The following CPS1 variants were observed in gnomAD, a reference collection of about 807,000 sequenced individuals.
CPS1 encodes carbamoyl-phosphate synthase [ammonia], mitochondrial.
Under a neutral mutation model 174.6 loss-of-function variants are expected in CPS1, and 109 were observed. That is an observed-to-expected ratio of 0.62 (90% CI 0.53 to 0.73). The LOEUF is 0.73. CPS1 is among the 30% of genes least tolerant of loss of function. The pLI, the probability that CPS1 is intolerant of heterozygous loss-of-function variation, is 0.00. For synonymous variants in CPS1, 637 were observed against 632.0 expected, an observed-to-expected ratio of 1.01 and a Z score of -0.12; for missense variants, 1,689 against 1,821.9, an observed-to-expected ratio of 0.93 and a Z score of 1.33.
intron 1 of CPS1, among the ~76,000 whole-genome samples, chr2:210,541,269 C>T (rs1040429020): frequency 6.6e-6 from 1 of 152,134 alleles, no homozygotes; most frequent in Non-Finnish European, 1.5e-5. Context: ...TTAAAAGTCT[C>T]TCATTTTGAA....
chr2:210,609,880 T>C (rs1035234124), intron 19 of CPS1, among the ~76,000 whole-genome samples: 12 of 151,908 alleles, frequency 7.9e-5, no homozygotes, highest in Non-Finnish European at 1.6e-4. Flanking sequence ...GAAAAAGAAA[T>C]GCTTTACTGG....
intron 32 of CPS1, among the ~76,000 whole-genome samples, chr2:210,661,311 A>G (rs1700913047): frequency 6.6e-6 from 1 of 152,176 alleles, no homozygotes; most frequent in Non-Finnish European, 1.5e-5. Flanking sequence ...CAGAATTATG[A>G]CCTTTAACTA....
Position 210,675,850 on chromosome 2 carries a change from A to G in CPS1, c.4274+10A>G, listed in dbSNP as rs1701512309. On this transcript the variant is annotated intron_variant, in intron 36 of 37. Coordinates refer to ENST00000233072, the MANE Select transcript of CPS1 (RefSeq NM_001875.5). The stretch of plus-strand genomic sequence containing the variant: ...TCTCTTCCATCAGAAAGTAAGAACT[A>G]GGCATACTGTTTTCTGAAATAATTT... 3.4e-6 allele frequency: 4 copies of G among 1,176,006 alleles called. No individual in the cohort carries two copies. The highest frequency in any genetic ancestry group is 5.1e-6 in the Non-Finnish European group (4 of 780,042). The allele number at this position is 1,176,006 out of a possible 1,614,324, so 72.8% of individuals were successfully genotyped here.
intron 34 of CPS1, 49 bp from the exon 35 acceptor site, chr2:210,674,853 T>C (rs770114318): frequency 7.9e-6 from 11 of 1,387,086 alleles, no homozygotes; most frequent in Non-Finnish European, 1.0e-5. Flanking sequence ...ATTGCATAAA[T>C]GAAGAGCATG....
At chr2:210,615,233 A>C (rs73073600) in intron 20 of CPS1, among the ~76,000 whole-genome samples, 2,466 of 151,986 alleles carry the variant, frequency 0.016, 68 homozygotes, top group African/African-American at 0.057. Context: ...GCCTTTAATC[A>C]CTTAGAAAGT....
In CPS1 at chr2:210,612,158, A is replaced by C; in HGVS notation, c.2433A>C (p.Lys811Asn). Residue 811 changes from lysine (K) to asparagine (N), a missense_variant, in exon 20 of 38, where the codon AAA becomes AAC. Physicochemically the swap from Lys to Asn is moderately conservative, Grantham distance 94. Transcript: ENST00000233072. ...IGRTFEESFQ[K>N]ALRMCHPSIE... ...GTACCTTTGAGGAGAGTTTCCAGAA[A>C]GCTTTACGGATGTGCCACCCATCTA... 1 of 1,612,256 alleles carries C rather than the reference A, an allele frequency of 6.2e-7. No homozygotes were observed. Among genetic ancestry groups the C allele is most frequent in the East Asian group, 2.2e-5 (1 of 44,794 alleles).
intron 6 of CPS1, among the ~76,000 whole-genome samples, chr2:210,582,955 C>T (rs1697976520): frequency 6.6e-6 from 1 of 152,042 alleles, no homozygotes; most frequent in Admixed American, 6.6e-5. Context: ...TTTAGTGTTC[C>T]TTCCACCTTT....
chr2:210,571,543 G>C (rs1697486345), intron 1 of CPS1, among the ~76,000 whole-genome samples: 1 of 151,822 alleles, frequency 6.6e-6, no homozygotes. Context: ...CACTAACATA[G>C]TTTTGTGTGT....
At chr2:210,491,571 C>T (rs2105951870) in intron 1 of CPS1, among the ~76,000 whole-genome samples, 1 of 152,064 alleles carries the variant, frequency 6.6e-6, no homozygotes, top group South Asian at 2.1e-4. Context: ...CCTTGGACTC[C>T]CAAAGTGCTG....
At chr2:210,569,865 G>T (rs1028731288) in intron 1 of CPS1, among the ~76,000 whole-genome samples, 2 of 151,866 alleles carry the variant, frequency 1.3e-5, no homozygotes, top group Admixed American at 1.3e-4. Context: ...TTCAAAGTAA[G>T]ACGTGCTCTG....
chr2:210,538,430 T>C (rs1453902665), intron 1 of CPS1, among the ~76,000 whole-genome samples: 1 of 152,082 alleles, frequency 6.6e-6, no homozygotes, highest in Non-Finnish European at 1.5e-5. Context: ...CTGAATTTTG[T>C]ATTAGCTAAA....
intron 34 of CPS1, among the ~76,000 whole-genome samples, chr2:210,669,647 T>TA (rs1701229567): frequency 6.6e-6 from 1 of 152,148 alleles, no homozygotes; most frequent in African/African-American, 2.4e-5. Flanking sequence ...GGTGAATAGT[T>TA]AGAGCAGAGG....
intron 1 of CPS1, among the ~76,000 whole-genome samples, chr2:210,488,497 A>G (rs1377254686): frequency 2.0e-5 from 3 of 152,208 alleles, no homozygotes; most frequent in Non-Finnish European, 4.4e-5. Flanking sequence ...CAGGTTTGAC[A>G]GATTGTAGTT....
intron 34 of CPS1, among the ~76,000 whole-genome samples, chr2:210,668,649 G>A (rs948605605): frequency 1.3e-5 from 2 of 152,062 alleles, no homozygotes; most frequent in African/African-American, 4.8e-5. Context: ...ATATGAGGTT[G>A]GATCTCACTT....
intron 21 of CPS1, among the ~76,000 whole-genome samples, chr2:210,629,628 A>T (rs968470046): frequency 6.6e-6 from 1 of 151,732 alleles, no homozygotes. Flanking sequence ...ACACTTTCTT[A>T]TATACGAATT....
chr2:210,482,760 G>A (rs946107190), intron 1 of CPS1, among the ~76,000 whole-genome samples: 16 of 151,968 alleles, frequency 1.1e-4, no homozygotes, highest in African/African-American at 3.6e-4. Context: ...TTGAGTTATC[G>A]TGCCCATCAA....
intron 1 of CPS1, among the ~76,000 whole-genome samples, chr2:210,544,677 A>G (rs1353792758): frequency 2.0e-5 from 3 of 152,098 alleles, no homozygotes; most frequent in Non-Finnish European, 2.9e-5. Flanking sequence ...CTATTCCTTG[A>G]CAATCTTTTT....
intron 1 of CPS1, among the ~76,000 whole-genome samples, chr2:210,499,579 A>C (rs1379325622): frequency 6.6e-6 from 1 of 152,184 alleles, no homozygotes; most frequent in East Asian, 1.9e-4. Context: ...CTTTGTATGC[A>C]CTCGGGTTAA....
intron 1 of CPS1, among the ~76,000 whole-genome samples, chr2:210,482,318 T>C (rs1351396988): frequency 6.6e-6 from 1 of 151,924 alleles, no homozygotes. Context: ...TTTTTTTTTT[T>C]TCTTTTGAGA....
Sources: allele counts gnomAD v4.1 joint callset (sites outside exome capture counted in the v4.1 genomes callset), GRCh38; gene constraint gnomAD v4.1.1; transcripts MANE v1.5; gene names NCBI Gene and HGNC (gene_info 2026-07-23, HGNC 2026-07-21).